The following NELL1 variants were observed in gnomAD, a reference collection of about 807,000 sequenced individuals.
NELL1 encodes the protein protein kinase C-binding protein NELL1.
A neutral mutation model predicts 107.4 loss-of-function variants in NELL1; 76 were observed. That is an observed-to-expected ratio of 0.71 (90% CI 0.59 to 0.86). NELL1 has a LOEUF of 0.86. Ranked by LOEUF, NELL1 falls within the 40% of genes least tolerant of loss-of-function variation. The probability of loss-of-function intolerance (pLI) is 0.00; values close to 1 mark genes in which losing one functional copy is unlikely to be tolerated. For synonymous variants in NELL1, 353 were observed against 341.2 expected (o/e 1.03, Z -0.38); for missense variants, 1,024 against 1,005.5 (o/e 1.02, Z -0.25).
intron 16 of NELL1, among the ~76,000 whole-genome samples, chr11:21,559,842 C>A (rs1199755746): frequency 6.6e-6 from 1 of 151,992 alleles, no homozygotes; most frequent in Non-Finnish European, 1.5e-5. Flanking sequence ...TAAGAATATC[C>A]TAAAAGAACT....
intron 14 of NELL1, among the ~76,000 whole-genome samples, chr11:21,325,783 A>G (rs889140582): frequency 6.6e-6 from 1 of 152,044 alleles, no homozygotes; most frequent in Non-Finnish European, 1.5e-5. Context: ...CTTTTCAGTC[A>G]ATCACTGTCC....
chr11:20,964,521 T>C (rs1851352287), intron 12 of NELL1, among the ~76,000 whole-genome samples: 1 of 152,210 alleles, frequency 6.6e-6, no homozygotes, highest in Non-Finnish European at 1.5e-5. Flanking sequence ...TTTGAGAAAG[T>C]TGCGGCATTG....
intron 3 of NELL1, among the ~76,000 whole-genome samples, chr11:20,803,215 A>T (rs896906968): frequency 2.6e-5 from 4 of 151,426 alleles, no homozygotes; most frequent in African/African-American, 9.7e-5. Flanking sequence ...CTGCTGGGAG[A>T]TTTTTCATTA....
At chr11:21,392,876 A>G (rs1253737731) in intron 15 of NELL1, among the ~76,000 whole-genome samples, 1 of 151,810 alleles carries the variant, frequency 6.6e-6, no homozygotes, top group Non-Finnish European at 1.5e-5. Context: ...TCTAATTTCA[A>G]AGACCAATAG....
chr11:21,109,193 A>T (rs11822567), intron 12 of NELL1, among the ~76,000 whole-genome samples: 9 of 151,810 alleles, frequency 5.9e-5, no homozygotes, highest in Admixed American at 5.9e-4. Flanking sequence ...AGTATCTAGC[A>T]TAGTGTCTGA....
chr11:21,525,672 A>T (rs1360753082), intron 15 of NELL1, among the ~76,000 whole-genome samples: 1 of 152,202 alleles, frequency 6.6e-6, no homozygotes, highest in Non-Finnish European at 1.5e-5. Flanking sequence ...TCACAGTTCC[A>T]CATGGCTGGG....
intron 13 of NELL1, among the ~76,000 whole-genome samples, chr11:21,207,013 T>TAAAA (rs1457799125): frequency 6.6e-6 from 1 of 152,188 alleles, no homozygotes; most frequent in Admixed American, 6.5e-5. Context: ...AAACCCAAGT[T>TAAAA]AAAACAAACA....
Position 21,092,051 on chromosome 11 carries a change from G to A in NELL1, c.1301-21538G>A, listed in dbSNP as rs373293531. 1.8e-3 allele frequency among the ~76,000 whole-genome samples: 279 copies of A among 152,302 alleles called. 2 individuals carry two copies. The highest frequency in any genetic ancestry group is 6.4e-3 in the African/African-American group (268 of 41,568). ...AGAGCATCCCAGATGGAAGGAACAG[G>A]ATGAGAAATGGCACCGAGTATTCCA... On this transcript the variant is annotated intron_variant, in intron 12 of 19. Coordinates refer to ENST00000357134, the MANE Select transcript of NELL1 (RefSeq NM_006157.5).
intron 14 of NELL1, among the ~76,000 whole-genome samples, chr11:21,283,158 ATAAC>A (rs1295614018): frequency 6.6e-6 from 1 of 152,158 alleles, no homozygotes; most frequent in Admixed American, 6.5e-5. Flanking sequence ...ACATTTTTAA[ATAAC>A]TAAATGAGTG....
intron 12 of NELL1, among the ~76,000 whole-genome samples, chr11:21,096,220 G>C (rs184005720): frequency 6.6e-6 from 1 of 152,228 alleles, no homozygotes; most frequent in Admixed American, 6.5e-5. Flanking sequence ...CCTAGGAGCT[G>C]ATTCTTCTCT....
In NELL1 at chr11:21,560,705, C is replaced by T. The variant is rs1856828660; in HGVS notation, c.1980+323C>T. On this transcript the variant is annotated intron_variant, in intron 17 of 19. Transcript: ENST00000357134. ...TGGTTGGGTGAGAGTTTTAATGAGC[C>T]CTCATCCCACGCTTATACAAACTTG... Among the ~76,000 whole-genome samples the T allele has an allele frequency of 2.0e-5, 3 of 152,060 alleles. No individual in the cohort carries two copies. The South Asian group carries it at 6.2e-4, about 32-fold the overall frequency.
chr11:21,458,898 T>C (rs1477825839), intron 15 of NELL1, among the ~76,000 whole-genome samples: 2 of 150,910 alleles, frequency 1.3e-5, no homozygotes, highest in East Asian at 2.0e-4. Context: ...ACCATCACCA[T>C]CATCATTTTC....
At chr11:20,970,452 G>C (rs1227151052) in intron 12 of NELL1, among the ~76,000 whole-genome samples, 2 of 152,152 alleles carry the variant, frequency 1.3e-5, no homozygotes, top group African/African-American at 4.8e-5. Flanking sequence ...GGGGAAAAGA[G>C]CCTTGTATCA....
rs181476222 is a variant in NELL1, at chr11:20,817,374, G to T, written c.336-30209G>T. Among the ~76,000 whole-genome samples, 23 of 152,156 alleles carry T rather than the reference G, an allele frequency of 1.5e-4. 1 individual carries two copies. Among genetic ancestry groups the T allele is most frequent in the African/African-American group, 5.5e-4 (23 of 41,536 alleles). On this transcript the variant is annotated intron_variant, in intron 3 of 19. Coordinates refer to ENST00000357134, the MANE Select transcript of NELL1 (RefSeq NM_006157.5). ...TCCTAATTCAATCCTGGGAAGTTGTGTGTATCCAGGAATTTATCCATTTCC... is the reference window on the plus strand; with the variant it reads ...TCCTAATTCAATCCTGGGAAGTTGTTTGTATCCAGGAATTTATCCATTTCC...
At chr11:21,458,014 G>A (rs1335035327) in intron 15 of NELL1, among the ~76,000 whole-genome samples, 1 of 76,772 alleles carries the variant, frequency 1.3e-5, no homozygotes, top group Non-Finnish European at 3.9e-5. Context: ...ACAATAGGAA[G>A]ATCAGGTGAT....
At chr11:21,293,431 A>G (rs1849313474) in intron 14 of NELL1, among the ~76,000 whole-genome samples, 1 of 152,232 alleles carries the variant, frequency 6.6e-6, no homozygotes, top group Non-Finnish European at 1.5e-5. Context: ...TCAGGAGACA[A>G]CAGATGCTGG....
chr11:21,560,419 T>C (rs1591036977), intron 17 of NELL1, 37 bp downstream of exon 17: 1 of 1,509,314 alleles, frequency 6.6e-7, no homozygotes, highest in Non-Finnish European at 8.9e-7. Flanking sequence ...TTGAAACTGT[T>C]CTTTCTCTTC....
chr11:20,748,288 C>T (rs1856048953), intron 2 of NELL1, among the ~76,000 whole-genome samples: 1 of 152,196 alleles, frequency 6.6e-6, no homozygotes, highest in South Asian at 2.1e-4. Flanking sequence ...ACTCCAGCCA[C>T]ATTGAGGTCC....
At chr11:21,069,468 C>G (rs1308848181) in intron 12 of NELL1, among the ~76,000 whole-genome samples, 7 of 152,118 alleles carry the variant, frequency 4.6e-5, no homozygotes, top group African/African-American at 1.7e-4. Context: ...TGATGGCTGG[C>G]ACCTGACTTA....
Sources: gnomAD v4.1 joint callset for allele counts (sites outside exome capture counted in the v4.1 genomes callset) on GRCh38, gnomAD v4.1.1 for gene constraint, MANE v1.5 for transcripts, NCBI Gene and HGNC (gene_info 2026-07-23, HGNC 2026-07-21) for gene names.